IGFBP2: variants seen among roughly 807,000 people sequenced by gnomAD.
The protein encoded by IGFBP2 is insulin like growth factor binding protein 2.
A neutral mutation model predicts 26.2 loss-of-function variants in IGFBP2; 12 were observed. The ratio of observed to expected loss-of-function variants is 0.46; its 90% CI spans 0.29 to 0.74. The LOEUF (loss-of-function observed/expected upper bound fraction) is 0.74. Ranked by LOEUF, IGFBP2 falls within the 30% of genes least tolerant of loss-of-function variation. The pLI, the probability that IGFBP2 is intolerant of heterozygous loss-of-function variation, is 0.09. For synonymous variants in IGFBP2, 189 were observed against 200.6 expected (o/e 0.94, Z 0.49); for missense variants, 328 against 441.2 (o/e 0.74, Z 2.30).
intron 1 of IGFBP2, among the ~76,000 whole-genome samples, chr2:216,645,110 G>A (rs372068903): frequency 3.6e-4 from 55 of 152,250 alleles, no homozygotes; most frequent in East Asian, 2.9e-3. Flanking sequence ...TAAAATGCCC[G>A]AGGCCAAGAA....
In IGFBP2 at chr2:216,661,764, C is replaced by T. The variant is rs576793346; in HGVS notation, c.673-94C>T. 5 of 1,438,530 alleles carry T rather than the reference C, an allele frequency of 3.5e-6. No homozygotes were observed. The South Asian group carries it at 5.9e-5, about 17-fold the overall frequency. 89.1% of individuals were successfully genotyped at this position (1,438,530 alleles called of 1,614,324 possible). A position where few individuals can be genotyped will look rare whatever the true frequency, so the allele number is the denominator to read the frequency against. ...GTGTGACCATGGGAAAGTCCCCTCCCTGTGCAGCAGCTTCTCGCTGAGCTT... is the reference window on the plus strand; with the variant it reads ...GTGTGACCATGGGAAAGTCCCCTCCTTGTGCAGCAGCTTCTCGCTGAGCTT... On this transcript the variant is annotated intron_variant, in intron 2 of 3. Coordinates refer to ENST00000233809, the MANE Select transcript of IGFBP2 (RefSeq NM_000597.3).
intron 1 of IGFBP2, among the ~76,000 whole-genome samples, chr2:216,645,976 A>T (rs1235605267): frequency 6.6e-6 from 1 of 152,244 alleles, no homozygotes; most frequent in Admixed American, 6.5e-5. Flanking sequence ...CCTTGAGAGC[A>T]TAGCCAAGGA....
chr2:216,661,667 G>A, intron 2 of IGFBP2, 191 bp from the exon 3 acceptor site: 1 of 672,614 alleles, frequency 1.5e-6, no homozygotes, highest in South Asian at 1.7e-5. Flanking sequence ...TTTAGGGGCT[G>A]GGGTTGGGCA....
At chr2:216,640,849 C>T (rs1697599626) in intron 1 of IGFBP2, among the ~76,000 whole-genome samples, 1 of 152,204 alleles carries the variant, frequency 6.6e-6, no homozygotes, top group South Asian at 2.1e-4. Context: ...TCCCTTGACT[C>T]CATGGACAGT....
chr2:216,653,617 A>G (rs1273716935), intron 1 of IGFBP2, among the ~76,000 whole-genome samples: 5 of 152,192 alleles, frequency 3.3e-5, no homozygotes, highest in African/African-American at 7.2e-5. Context: ...AAATGGGACA[A>G]CGATCCATTT....
chr2:216,646,018 A>G (rs1697703544), intron 1 of IGFBP2, among the ~76,000 whole-genome samples: 2 of 152,266 alleles, frequency 1.3e-5, no homozygotes, highest in African/African-American at 4.8e-5. Context: ...ATCAGACAAA[A>G]TTAGTGAACT....
chr2:216,662,162 G>T, intron 3 of IGFBP2, 164 bp downstream of exon 3: 1 of 778,362 alleles, frequency 1.3e-6, no homozygotes. Context: ...GCCAGGCCGG[G>T]GAGGGTGCAG....
At chr2:216,639,397 C>G (rs867013779) in intron 1 of IGFBP2, among the ~76,000 whole-genome samples, 1 of 151,950 alleles carries the variant, frequency 6.6e-6, no homozygotes, top group South Asian at 2.1e-4. Flanking sequence ...GAATGGAGAA[C>G]AGGTAAATAC....
At chr2:216,655,710 C>T (rs1247015267) in intron 1 of IGFBP2, among the ~76,000 whole-genome samples, 1 of 152,032 alleles carries the variant, frequency 6.6e-6, no homozygotes, top group African/African-American at 2.4e-5. Flanking sequence ...GCCTGGCCAA[C>T]ATGGTGAAAT....
At chr2:216,663,779 C>T (rs1244856268) in intron 3 of IGFBP2, 161 bp from the exon 4 acceptor site, 3 of 675,976 alleles carry the variant, frequency 4.4e-6, no homozygotes, top group Non-Finnish European at 7.4e-6. Context: ...TGGGAATCTG[C>T]ATTTTATCAA....
At chr2:216,641,631 A>T (rs906643760) in intron 1 of IGFBP2, among the ~76,000 whole-genome samples, 4 of 152,172 alleles carry the variant, frequency 2.6e-5, no homozygotes, top group Admixed American at 1.3e-4. Context: ...ATATAAATGC[A>T]ACTGATAAGT....
intron 1 of IGFBP2, among the ~76,000 whole-genome samples, chr2:216,648,630 CAG>C (rs1244991461): frequency 6.6e-6 from 1 of 151,888 alleles, no homozygotes; most frequent in African/African-American, 2.4e-5. Flanking sequence ...ATTTTTGAGA[CAG>C]AGCCTCTCAC....
intron 1 of IGFBP2, among the ~76,000 whole-genome samples, chr2:216,658,726 A>AT (rs1336186439): frequency 2.6e-5 from 4 of 150,984 alleles, no homozygotes; most frequent in Non-Finnish European, 4.4e-5. Flanking sequence ...ATTTTTTTGT[A>AT]TTTTTAGCAG....
In IGFBP2 at chr2:216,664,238, AC is replaced by A; in HGVS notation, c.*136del. 3 of 690,348 alleles carry A rather than the reference AC, an allele frequency of 4.3e-6. No homozygotes were observed. The highest frequency in any genetic ancestry group is 6.7e-6 in the Non-Finnish European group (3 of 449,320). The allele number at this position is 690,348 out of a possible 1,614,324, so 42.8% of individuals were successfully genotyped here. The stretch of plus-strand genomic sequence containing the variant: ...CACACGTATTTATATTTGGAAAGAG[AC>A]CAGCACCGAGCTCGGCACCTCCCCG... On this transcript the variant is annotated 3_prime_UTR_variant, in exon 4 of 4. Transcript: ENST00000233809. This position sits in a 1 kb window ranked among gnomAD's most constrained non-coding sequence, Gnocchi z 4.6.
upstream of IGFBP2, chr2:216,632,938 T>A (rs561339091): frequency 6.6e-6 from 1 of 152,346 alleles, no homozygotes; most frequent in Admixed American, 6.5e-5. Context: ...AAGTCATTGT[T>A]CCAAGCCACG....
intron 1 of IGFBP2, among the ~76,000 whole-genome samples, chr2:216,634,175 G>A (rs948615441): frequency 6.6e-6 from 1 of 152,196 alleles, no homozygotes; most frequent in Non-Finnish European, 1.5e-5. Context: ...CGACTCATTT[G>A]GTGGGGATGA....
chr2:216,647,497 T>A (rs1292831682), intron 1 of IGFBP2, among the ~76,000 whole-genome samples: 2 of 152,112 alleles, frequency 1.3e-5, no homozygotes, highest in African/African-American at 2.4e-5. Flanking sequence ...TTTTTTAAAA[T>A]TTTGTAAAAT....
intron 1 of IGFBP2, among the ~76,000 whole-genome samples, chr2:216,647,849 C>G (rs927050223): frequency 6.6e-6 from 1 of 152,172 alleles, no homozygotes; most frequent in East Asian, 1.9e-4. Context: ...GAGACAAGCT[C>G]TGGCTCTGTC....
chr2:216,633,560 C>CCGT lies in IGFBP2; in HGVS notation c.39_40insTCG (p.Pro13_Pro14insSer). ...AGTGGGCTGCCCCGCGCTGCCGCTG[C>CCGT]CGCCGCCGCCGCTGCTGCCGCTGCT... On this transcript the variant is annotated inframe_insertion, in exon 1 of 4. Transcript: ENST00000233809. The CCGT allele has an allele frequency of 3.1e-6, 3 of 970,952 alleles. No individual in the cohort carries two copies. The highest frequency in any genetic ancestry group is 3.6e-6 in the Non-Finnish European group (3 of 832,108). 60.1% of individuals were successfully genotyped at this position (970,952 alleles called of 1,614,324 possible). A position where few individuals can be genotyped will look rare whatever the true frequency, so the allele number is the denominator to read the frequency against.
Sources: gnomAD v4.1 joint callset for allele counts (sites outside exome capture counted in the v4.1 genomes callset) on GRCh38, gnomAD v4.1.1 for gene constraint, Gnocchi (gnomAD v3.1) non-coding constraint, MANE v1.5 for transcripts, NCBI Gene and HGNC (gene_info 2026-07-23, HGNC 2026-07-21) for gene names.